ADCY2: variants seen among roughly 807,000 people sequenced by gnomAD.
The protein encoded by ADCY2 is adenylate cyclase type 2.
In ADCY2, 31 loss-of-function variants were observed where a neutral mutation model predicts 125.2. That is an observed-to-expected ratio of 0.25 (90% CI 0.19 to 0.33). The LOEUF (loss-of-function observed/expected upper bound fraction) is 0.33, where lower values mean the gene tolerates loss of function less well. Ranked by LOEUF, ADCY2 falls within the 10% of genes least tolerant of loss-of-function variation. The pLI, the probability that ADCY2 is intolerant of heterozygous loss-of-function variation, is 1.00. For synonymous variants in ADCY2, 512 were observed against 548.4 expected (o/e 0.93, Z 0.93); for missense variants, 904 against 1,418.2 (o/e 0.64, Z 5.82).
rs1979852 is a variant in ADCY2, at chr5:7,522,794, T to C, written c.570+1895T>C. ...AAAAAAAATTAGCCGGGCGTGGTGG[T>C]GGGCGCCTGTAGTCCCAGCTACTCG... On this transcript the variant is annotated intron_variant, in intron 3 of 24. Transcript: ENST00000338316. Among the ~76,000 whole-genome samples, 102 of 139,414 alleles carry C rather than the reference T, an allele frequency of 7.3e-4. 2 individuals carry two copies. The highest frequency in any genetic ancestry group is 4.1e-3 in the Middle Eastern group (1 of 244). The allele number at this position is 139,414 out of a possible 152,430, so 91.5% of individuals were successfully genotyped here.
chr5:7,775,600 A>G (rs968078424), intron 18 of ADCY2, among the ~76,000 whole-genome samples: 3 of 152,158 alleles, frequency 2.0e-5, no homozygotes, highest in Non-Finnish European at 2.9e-5. Context: ...CATGTTGGCC[A>G]GGCTACTCTT....
At chr5:7,718,551 T>C (rs1161008667) in intron 12 of ADCY2, among the ~76,000 whole-genome samples, 2 of 152,170 alleles carry the variant, frequency 1.3e-5, no homozygotes, top group Non-Finnish European at 2.9e-5. Context: ...TGCCTTTGTG[T>C]GTCAGTGTGA....
At chr5:7,776,632 C>T (rs764642469) in intron 18 of ADCY2, among the ~76,000 whole-genome samples, 20 of 152,176 alleles carry the variant, frequency 1.3e-4, no homozygotes, top group South Asian at 4.2e-4. Flanking sequence ...GGTGTGTCTG[C>T]GTGGGTGTTG....
At chr5:7,512,066 C>A (rs1237449987) in intron 2 of ADCY2, among the ~76,000 whole-genome samples, 4 of 151,096 alleles carry the variant, frequency 2.6e-5, no homozygotes, top group Non-Finnish European at 5.9e-5. Flanking sequence ...ACTAAATATA[C>A]AAACATTAGC....
chr5:7,396,398 C>G lies in ADCY2; in HGVS notation c.102C>G (p.Tyr34Ter), dbSNP rs1739037672. 2 of 1,571,394 alleles carry G rather than the reference C, an allele frequency of 1.3e-6. No homozygotes were observed. ...TGCCGCGGTCCCGGGACTGGCTCTA[C>G]GAGTCCTACTACTGCATGAGCCAGC... is the stretch of plus-strand genomic sequence containing the variant. ...DGLPRSRDWL[Y>*]ESYYCMSQQH... The change falls in exon 1 of 25, where the codon TAC becomes TAG. Residue 34 changes from tyrosine (Y) to a stop codon, truncating the protein, a stop_gained. Coordinates refer to ENST00000338316, the MANE Select transcript of ADCY2 (RefSeq NM_020546.3). LOFTEE classifies it high-confidence loss of function. This position sits in a 1 kb window ranked among gnomAD's most constrained non-coding sequence, Gnocchi z 5.7.
intron 2 of ADCY2, among the ~76,000 whole-genome samples, chr5:7,431,032 T>TC (rs1740579577): frequency 6.6e-6 from 1 of 152,118 alleles, no homozygotes; most frequent in Non-Finnish European, 1.5e-5. Flanking sequence ...CCCAGCAAGC[T>TC]TTTTCATAGA....
chr5:7,738,376 A>G (rs1742308355), intron 14 of ADCY2, among the ~76,000 whole-genome samples: 1 of 152,024 alleles, frequency 6.6e-6, no homozygotes, highest in Admixed American at 6.6e-5. Context: ...GAAATGAAAA[A>G]TACTTTTAAA....
chr5:7,624,756 A>C (rs1309717049), intron 3 of ADCY2, among the ~76,000 whole-genome samples: 2 of 152,150 alleles, frequency 1.3e-5, no homozygotes, highest in African/African-American at 4.8e-5. Context: ...TAATGTGATA[A>C]AGTGGTCTGT....
chr5:7,818,776 C>A lies in ADCY2; in HGVS notation c.2999-1789C>A, dbSNP rs1400146814. 2.7e-5 allele frequency among the ~76,000 whole-genome samples: 4 copies of A among 150,562 alleles called. No homozygotes were observed. The East Asian group carries it at 8.0e-4, about 30-fold the overall frequency. On this transcript the variant is annotated intron_variant, in intron 23 of 24. Transcript: ENST00000338316. Reference sequence around the variant, plus strand: ...AAACATGGGCGTGTCCCTTTGACCCCAGAGACTCTACACTGTTTTGACAGC... The same window carrying A: ...AAACATGGGCGTGTCCCTTTGACCCAAGAGACTCTACACTGTTTTGACAGC...
At chr5:7,420,693 G>A (rs963997478) in intron 2 of ADCY2, among the ~76,000 whole-genome samples, 1 of 152,188 alleles carries the variant, frequency 6.6e-6, no homozygotes, top group Non-Finnish European at 1.5e-5. Context: ...ACCTCTGAGT[G>A]AAGTCTGCGC....
At chr5:7,826,192 T>G (rs191261) in intron 24 of ADCY2, among the ~76,000 whole-genome samples, 93,308 of 151,966 alleles carry the variant, frequency 0.61, 28,921 homozygotes, top group Middle Eastern at 0.68. Context: ...GGCAGGAGTC[T>G]ACAGTGCTCA....
chr5:7,635,439 A>G (rs1241622619), intron 4 of ADCY2, among the ~76,000 whole-genome samples: 2 of 152,220 alleles, frequency 1.3e-5, no homozygotes, highest in Non-Finnish European at 2.9e-5. Context: ...TAAAAATAAA[A>G]TAATGAAGAG....
At chr5:7,760,175 C>A (rs946013445) in intron 16 of ADCY2, among the ~76,000 whole-genome samples, 33 of 152,334 alleles carry the variant, frequency 2.2e-4, no homozygotes, top group African/African-American at 7.5e-4. Context: ...GGGCATTGGC[C>A]TGAGATGCCA....
intron 18 of ADCY2, among the ~76,000 whole-genome samples, chr5:7,774,045 T>C (rs1232669089): frequency 1.3e-5 from 2 of 152,234 alleles, no homozygotes; most frequent in African/African-American, 4.8e-5. Flanking sequence ...ATAATATAAA[T>C]GCCTTAAATA....
At chr5:7,716,951 A>G (rs1259197675) in intron 11 of ADCY2, among the ~76,000 whole-genome samples, 1 of 152,184 alleles carries the variant, frequency 6.6e-6, no homozygotes, top group African/African-American at 2.4e-5. Context: ...CAGAAGAGAG[A>G]ATTTGAAATG....
intron 4 of ADCY2, among the ~76,000 whole-genome samples, chr5:7,677,001 G>A (rs1740148452): frequency 6.6e-6 from 1 of 152,162 alleles, no homozygotes; most frequent in African/African-American, 2.4e-5. Flanking sequence ...ACCCAGCCGG[G>A]TGCGGTGGCT....
intron 3 of ADCY2, among the ~76,000 whole-genome samples, chr5:7,594,818 C>G (rs760237672): frequency 6.6e-6 from 1 of 152,158 alleles, no homozygotes; most frequent in Non-Finnish European, 1.5e-5. Context: ...ATCCAAAGCT[C>G]TTATGTAAAG....
chr5:7,514,730 C>T (rs557828153), intron 2 of ADCY2, among the ~76,000 whole-genome samples: 1 of 152,138 alleles, frequency 6.6e-6, no homozygotes, highest in Non-Finnish European at 1.5e-5. Flanking sequence ...GACAGAGATA[C>T]ACGGAGAAGA....
intron 22 of ADCY2, among the ~76,000 whole-genome samples, chr5:7,815,453 C>T (rs543595210): frequency 2.6e-5 from 4 of 152,294 alleles, no homozygotes; most frequent in South Asian, 2.1e-4. Context: ...GAACAGAAAC[C>T]GTGCTCCACC....
Sources: gnomAD v4.1 joint callset for allele counts (sites outside exome capture counted in the v4.1 genomes callset) on GRCh38, gnomAD v4.1.1 for gene constraint, Gnocchi (gnomAD v3.1) non-coding constraint, MANE v1.5 for transcripts, NCBI Gene and HGNC (gene_info 2026-07-23, HGNC 2026-07-21) for gene names.